Variants in DPH1 observed in about 807,000 individuals in gnomAD.
DPH1 encodes the protein 2-(3-amino-3-carboxypropyl)histidine synthase subunit 1.
A neutral mutation model predicts 55.3 loss-of-function variants in DPH1; 59 were observed. The ratio of observed to expected loss-of-function variants is 1.07; its 90% CI spans 0.87 to 1.33. The LOEUF (loss-of-function observed/expected upper bound fraction) is 1.33, where lower values mean the gene tolerates loss of function less well. DPH1 is among the 40% of genes most tolerant of loss of function. DPH1 has a pLI of 0.00. For synonymous variants in DPH1, 238 were observed against 235.5 expected, an observed-to-expected ratio of 1.01 and a Z score of -0.10; for missense variants, 628 against 584.8, an observed-to-expected ratio of 1.07 and a Z score of -0.76.
chr17:2,037,039 G>A (rs1247435904), intron 6 of DPH1, 83 bp downstream of exon 6: 54 of 1,535,148 alleles, frequency 3.5e-5, no homozygotes. Flanking sequence ...ATCCAGGAAA[G>A]AAACCAAATC....
At chr17:2,037,643 G>GT (rs1378513226) in intron 6 of DPH1, among the ~76,000 whole-genome samples, 2 of 152,228 alleles carry the variant, frequency 1.3e-5, no homozygotes, top group Non-Finnish European at 2.9e-5. Context: ...TCTTCAAAGT[G>GT]TATGTTGGAG....
chr17:2,040,342 T>G lies in DPH1; in HGVS notation c.874T>G (p.Leu292Val), dbSNP rs1271671967. Reference protein sequence around the residue: ...AKSWGLILGTLGRQGSPKILE... With the variant: ...AKSWGLILGTVGRQGSPKILE... The stretch of plus-strand genomic sequence containing the variant: ...GTCCTGGGGCCTTATTCTGGGCACT[T>G]TGGGCCGCCAGGGCAGTCCTAAGAT... The change falls in exon 8 of 13, where the codon TTG (leucine) becomes GTG (valine). Residue 292 changes from leucine (L) to valine (V), a missense_variant. By Grantham distance (32) the Leu-to-Val change is conservative. Coordinates refer to ENST00000263083, the MANE Select transcript of DPH1 (RefSeq NM_001383.6). 15 of 1,613,812 alleles carry G rather than the reference T, an allele frequency of 9.3e-6. No individual in the cohort carries two copies. In the African/African-American group the frequency reaches 1.7e-4, roughly 19 times the overall value.
At position 2,039,767 on chromosome 17, in the gene DPH1, T is replaced by G. The variant is rs768480996; in HGVS notation, c.693T>G (p.Asp231Glu). The G allele has an allele frequency of 3.1e-6, 5 of 1,614,142 alleles. No homozygotes were observed. In the East Asian group the frequency reaches 8.9e-5, roughly 29 times the overall value. Residue 231 changes from aspartate to glutamate, a missense_variant, in exon 7 of 13, where the codon GAT (aspartate) becomes GAG (glutamate). Transcript: ENST00000263083. ...TCCACCCCTGCAGGTATCTTGGAGA[T>G]GGCCGCTTCCATCTGGAGTCTGTCA... ...KEVEAVVYLG[D>E]GRFHLESVMI...
At chr17:2,033,466 C>T in intron 1 of DPH1, 39 bp from the exon 2 acceptor site, 1 of 1,613,170 alleles carries the variant, frequency 6.2e-7, no homozygotes, top group Non-Finnish European at 8.5e-7. Flanking sequence ...TGGCTTCAGC[C>T]AAAGACAGAC....
chr17:2,032,568 T>C (rs2067345190), intron 1 of DPH1, among the ~76,000 whole-genome samples: 1 of 152,134 alleles, frequency 6.6e-6, no homozygotes, highest in African/African-American at 2.4e-5. Flanking sequence ...AGCTGGGTCT[T>C]GTTACCAAAC....
chr17:2,041,025 GC>G, intron 9 of DPH1, 77 bp from the exon 10 acceptor site: 1 of 1,360,056 alleles, frequency 7.4e-7, no homozygotes, highest in Non-Finnish European at 1.0e-6. Flanking sequence ...TGTGCTGGGG[GC>G]ACTGTCATGT....
Position 2,039,799 on chromosome 17 carries a change from C to T in DPH1, c.725C>T (p.Ala242Val), listed in dbSNP as rs2067485187. 1 of 1,614,174 alleles carries T rather than the reference C, an allele frequency of 6.2e-7. No homozygotes were observed. The highest frequency in any genetic ancestry group is 1.3e-5 in the African/African-American group (1 of 75,060). The change falls in exon 7 of 13, where the codon GCC becomes GTC. Residue 242 changes from alanine (A) to valine (V), a missense_variant. Physicochemically the swap from Ala to Val is moderately conservative, Grantham distance 64. Transcript: ENST00000263083. ...TTCCATCTGGAGTCTGTCATGATTG[C>T]CAACCCCAATGTCCCCGCTTACCGG... ...GRFHLESVMI[A>V]NPNVPAYRYD...
chr17:2,033,853 G>T lies in DPH1; in HGVS notation c.278+11G>T. ...GGATATCTTGGAAAGGTGAGGCTTG[G>T]GGCACTGGAGAGGAGGGTGAGCCAG... On this transcript the variant is annotated intron_variant, in intron 3 of 12. Coordinates refer to ENST00000263083, the MANE Select transcript of DPH1 (RefSeq NM_001383.6). 1.9e-6 allele frequency: 3 copies of T among 1,613,904 alleles called. No homozygotes were observed. The highest frequency in any genetic ancestry group is 1.7e-6 in the Non-Finnish European group (2 of 1,180,008).
Position 2,036,896 on chromosome 17 carries a change from C to T in DPH1, c.620C>T (p.Ser207Phe). 1.9e-6 allele frequency: 3 copies of T among 1,613,844 alleles called. No individual in the cohort carries two copies. The highest frequency in any genetic ancestry group is 1.1e-5 in the South Asian group (1 of 91,076). Residue 207 changes from serine (S) to phenylalanine (F), a missense_variant, in exon 6 of 13, where the codon TCC (serine) becomes TTC (phenylalanine). Physicochemically the swap from Ser to Phe is radical, Grantham distance 155 (BLOSUM62 -2). Coordinates refer to ENST00000263083, the MANE Select transcript of DPH1 (RefSeq NM_001383.6). This position sits in a 1 kb window ranked among gnomAD's most constrained non-coding sequence, Gnocchi z 4.8. ...AGTGTCCCACAGTGCAAGCCCCTGT[C>T]CCCTGGAGAGATCCTGGGCTGCACA... ...RVSVPQCKPLSPGEILGCTSP... is the reference protein window; with the variant it reads ...RVSVPQCKPLFPGEILGCTSP...
At chr17:2,040,437 A>T (rs1002536085) in intron 8 of DPH1, 63 bp downstream of exon 8, 55 of 1,613,546 alleles carry the variant, frequency 3.4e-5, no homozygotes, top group African/African-American at 2.7e-5. Flanking sequence ...TGGGAAAACC[A>T]GTAGGCCACA....
At chr17:2,033,411 G>T (rs1020805693) in intron 1 of DPH1, 94 bp from the exon 2 acceptor site, 1 of 1,588,464 alleles carries the variant, frequency 6.3e-7, no homozygotes, top group African/African-American at 1.3e-5. Context: ...GCTTGAGCGG[G>T]GGCACCGGCA....
intron 12 of DPH1, chr17:2,042,278 G>T: frequency 7.1e-7 from 1 of 1,400,522 alleles, no homozygotes; most frequent in Non-Finnish European, 9.2e-7. Context: ...CCTCCATCTT[G>T]TTTCGTCCCC....
rs1597280299 is a variant in DPH1 at position 2,036,109 on chromosome 17, C to T, written c.400+18C>T. ...TTGCCTGAGTATGGTGGGGCCAGGACACCTGGACGGTGGCGGGGCTGGCAG... is the reference window on the plus strand; with the variant it reads ...TTGCCTGAGTATGGTGGGGCCAGGATACCTGGACGGTGGCGGGGCTGGCAG... On this transcript the variant is annotated intron_variant, in intron 4 of 12. Transcript: ENST00000263083. This position sits in a 1 kb window ranked among gnomAD's most constrained non-coding sequence, Gnocchi z 4.8. 2.5e-6 allele frequency: 4 copies of T among 1,613,054 alleles called. No individual in the cohort carries two copies. The African/African-American group carries it at 4.0e-5, about 16-fold the overall frequency.
In DPH1 at chr17:2,043,795, T is replaced by G. The variant is rs943768064; in HGVS notation, c.*1209T>G. 2.6e-5 allele frequency among the ~76,000 whole-genome samples: 4 copies of G among 152,202 alleles called. No homozygotes were observed. The highest frequency in any genetic ancestry group is 9.7e-5 in the African/African-American group (4 of 41,438). On this transcript the variant is annotated 3_prime_UTR_variant, in exon 13 of 13. Coordinates refer to ENST00000263083, the MANE Select transcript of DPH1 (RefSeq NM_001383.6). ...GTGTTACCTGCTTCTCCCTAAGTGC[T>G]CTAACCTCGCTGAACTATGAGCCTG... is the stretch of plus-strand genomic sequence containing the variant.
chr17:2,042,041 G>T (rs765096221), intron 12 of DPH1, 166 bp downstream of exon 12: 4 of 1,515,650 alleles, frequency 2.6e-6, no homozygotes, highest in Non-Finnish European at 3.5e-6. Context: ...GCTCCTTGCC[G>T]GGCATAATGG....
chr17:2,039,850 C>G, intron 7 of DPH1, 27 bp downstream of exon 7: 1 of 1,613,800 alleles, frequency 6.2e-7, no homozygotes, highest in Non-Finnish European at 8.5e-7. Flanking sequence ...GCTGGGCTGA[C>G]CAGCTGGTGA....
At position 2,043,212 on chromosome 17, in the gene DPH1, G is replaced by A; in HGVS notation, c.*626G>A. On this transcript the variant is annotated 3_prime_UTR_variant, in exon 13 of 13. Transcript: ENST00000263083. ...TCACTGCTGTGAGTGCGCCTCACCA[G>A]AACCAGTTAAGAGACAACTATCAAT... The A allele has an allele frequency of 7.5e-7, 1 of 1,332,714 alleles. No individual in the cohort carries two copies. Among genetic ancestry groups the A allele is most frequent in the African/African-American group, 1.5e-5 (1 of 68,446 alleles). 82.6% of individuals were successfully genotyped at this position (1,332,714 alleles called of 1,614,324 possible).
intron 3 of DPH1, among the ~76,000 whole-genome samples, chr17:2,035,502 T>TCCGGACGA (rs550546412): frequency 1.8e-5 from 1 of 54,302 alleles, no homozygotes; most frequent in Admixed American, 1.7e-4. Flanking sequence ...GGGGAGGGGG[T>TCCGGACGA]GGGGGCCCTG....
intron 3 of DPH1, among the ~76,000 whole-genome samples, chr17:2,035,427 ACGAGAGG>A (rs2067402027): frequency 8.2e-6 from 1 of 122,172 alleles, no homozygotes; most frequent in Non-Finnish European, 1.8e-5. Flanking sequence ...GGGGGTCCGG[ACGAGAGG>A]GCCCTGCCTG....
Sources: allele counts gnomAD v4.1 joint callset (sites outside exome capture counted in the v4.1 genomes callset), GRCh38; gene constraint gnomAD v4.1.1; non-coding constraint Gnocchi (gnomAD v3.1); transcripts MANE v1.5; gene names NCBI Gene and HGNC (gene_info 2026-07-23, HGNC 2026-07-21).